The following FGF13 variants were observed in gnomAD, a reference collection of about 807,000 sequenced individuals.
FGF13 encodes the protein fibroblast growth factor 13.
A neutral mutation model predicts 19.5 loss-of-function variants in FGF13; 2 were observed. The observed-to-expected ratio is 0.10, with a 90% confidence interval of 0.04 to 0.32. The LOEUF is 0.32. FGF13 is among the 10% of genes least tolerant of loss of function. The pLI is 1.00. For missense variants in FGF13, 113 were observed against 192.7 expected (o/e 0.59, Z 2.45); for synonymous variants, 72 against 76.9 (o/e 0.94, Z 0.33).
rs147149543 is a variant in FGF13, at chrX:139,154,063, C to G, written c.-113+49353G>C. Among the ~76,000 whole-genome samples, 509 of 111,597 alleles carry G rather than the reference C, an allele frequency of 4.6e-3. 2 individuals carry two copies. The highest frequency in any genetic ancestry group is 0.015 in the African/African-American group (446 of 30,707). The stretch of plus-strand genomic sequence containing the variant: ...TTTGTAGTCATCTGTTACAACAATT[C>G]TAGGAAATAAACACAGATACCATCT... On this transcript the variant is annotated intron_variant, in intron 1 of 2. Coordinates refer to the FGF13 transcript ENST00000421460.
intron 3 of FGF13, among the ~76,000 whole-genome samples, chrX:138,683,616 C>T (rs751426948): frequency 2.7e-5 from 3 of 111,524 alleles, no homozygotes; most frequent in East Asian, 2.8e-4. Context: ...TAGATGCACA[C>T]GTCTAAGCCC....
chrX:138,990,540 T>C (rs2092011283), intron 1 of FGF13: 2 of 109,519 alleles, frequency 1.8e-5, no homozygotes, highest in Admixed American at 9.9e-5. Flanking sequence ...CTCACAATCA[T>C]GGAGGAAGGC....
intron 1 of FGF13, among the ~76,000 whole-genome samples, chrX:138,950,097 C>T (rs2091802853): frequency 8.9e-6 from 1 of 111,765 alleles, no homozygotes; most frequent in Admixed American, 9.5e-5. Flanking sequence ...TAGAATCATT[C>T]AAATATGTGT....
intron 3 of FGF13, among the ~76,000 whole-genome samples, chrX:138,635,998 G>A (rs1167505386): frequency 8.9e-6 from 1 of 112,046 alleles, no homozygotes; most frequent in Non-Finnish European, 1.9e-5. Flanking sequence ...CTGACACATG[G>A]AGCTTTGTTC....
intron 3 of FGF13, among the ~76,000 whole-genome samples, chrX:138,830,687 T>TGTGTGTGTGTGTGTG (rs1556225883): frequency 6.9e-5 from 6 of 87,518 alleles, no homozygotes; most frequent in Admixed American, 1.4e-4. Flanking sequence ...AAAGGGGTGT[T>TGTGTGTGTGTGTGTG]TGTGTGTGTG....
At chrX:138,706,094 T>C (rs2089989685) in intron 2 of FGF13, among the ~76,000 whole-genome samples, 1 of 112,297 alleles carries the variant, frequency 8.9e-6, no homozygotes, top group Non-Finnish European at 1.9e-5. Context: ...TCTTCATCAG[T>C]TGGCCAAGGT....
At chrX:138,728,636 G>A (rs2090203633) in intron 1 of FGF13, among the ~76,000 whole-genome samples, 2 of 110,611 alleles carry the variant, frequency 1.8e-5, no homozygotes. Flanking sequence ...TGGGAGAGGG[G>A]AAGGAGGGCT....
chrX:138,684,189 G>A lies in FGF13; in HGVS notation c.402+18795C>T, dbSNP rs375753309. On this transcript the variant is annotated intron_variant, in intron 3 of 4. Transcript: ENST00000315930. ...TGCAAAATAGACTTAAGAGGTCAAA[G>A]AAATATATTATACACTATCATTTGA... Among the ~76,000 whole-genome samples, 4 of 111,699 alleles carry A rather than the reference G, an allele frequency of 3.6e-5. No homozygotes were observed. In the South Asian group the frequency reaches 1.5e-3, roughly 41 times the overall value.
chrX:138,702,235 T>G (rs773006145), intron 3 of FGF13, among the ~76,000 whole-genome samples: 36 of 111,609 alleles, frequency 3.2e-4, no homozygotes, highest in African/African-American at 8.1e-4. Context: ...AATTCATATA[T>G]CAAATAGTCT....
At chrX:139,048,162 A>G (rs1018693004) in intron 1 of FGF13, among the ~76,000 whole-genome samples, 3 of 110,937 alleles carry the variant, frequency 2.7e-5, no homozygotes, top group Admixed American at 9.6e-5. Flanking sequence ...TCTAGAATTT[A>G]CCTTTGTACA....
intron 1 of FGF13, among the ~76,000 whole-genome samples, chrX:139,054,117 C>CTTTTT (rs58544411): frequency 6.5e-4 from 22 of 33,960 alleles, no homozygotes; most frequent in African/African-American, 1.1e-3. Flanking sequence ...GTCTACGTGC[C>CTTTTT]TTTTTTTTTT....
Position 138,616,676 on chromosome X carries a change from C to T in FGF13, c.*16174G>A, listed in dbSNP as rs1241668147. Reference sequence around the variant, plus strand: ...TCCAACCCCACATTTCCCTTCTGCACTGCCCTAGCAGAGGTTCTCCCTGAG... The same window carrying T: ...TCCAACCCCACATTTCCCTTCTGCATTGCCCTAGCAGAGGTTCTCCCTGAG... On this transcript the variant is annotated 3_prime_UTR_variant, in exon 5 of 5. Transcript: ENST00000315930. 1 of 112,616 alleles carries T rather than the reference C, an allele frequency of 8.9e-6. No homozygotes were observed. Among genetic ancestry groups the T allele is most frequent in the Non-Finnish European group, 1.9e-5 (1 of 53,307 alleles). 9.3% of individuals were successfully genotyped at this position (112,616 alleles called of 1,213,427 possible). A position where few individuals can be genotyped will look rare whatever the true frequency, so the allele number is the denominator to read the frequency against.
intron 1 of FGF13, among the ~76,000 whole-genome samples, chrX:138,980,488 G>A (rs2124330803): frequency 8.9e-6 from 1 of 111,942 alleles, no homozygotes; most frequent in South Asian, 3.7e-4. Flanking sequence ...TGATTAGGGA[G>A]AGAATGTTTT....
chrX:139,065,445 A>T (rs1338756434), intron 1 of FGF13, among the ~76,000 whole-genome samples: 1 of 105,948 alleles, frequency 9.4e-6, no homozygotes, highest in Non-Finnish European at 1.9e-5. Flanking sequence ...GCTCAAAATA[A>T]AGGGATGGAG....
chrX:139,116,774 G>A (rs2083642692), intron 1 of FGF13, among the ~76,000 whole-genome samples: 1 of 110,653 alleles, frequency 9.0e-6, no homozygotes, highest in Admixed American at 9.7e-5. Flanking sequence ...GGGAAGGAAA[G>A]GCCAAATTGA....
rs180882549 is a variant in FGF13, at chrX:138,655,457, A to G, written c.403-19802T>C. Among the ~76,000 whole-genome samples, 12 of 112,142 alleles carry G rather than the reference A, an allele frequency of 1.1e-4. No homozygotes were observed. In the East Asian group the frequency reaches 3.4e-3, roughly 32 times the overall value. The stretch of plus-strand genomic sequence containing the variant: ...TAGAAGGAGTAAATATAAAAAGGTC[A>G]AAAATACATTTATTCAGAATCTTGC... On this transcript the variant is annotated intron_variant, in intron 3 of 4. Coordinates refer to ENST00000315930, the MANE Select transcript of FGF13 (RefSeq NM_004114.5).
At chrX:138,638,144 G>C (rs1244478066) in intron 3 of FGF13, among the ~76,000 whole-genome samples, 1 of 111,652 alleles carries the variant, frequency 9.0e-6, no homozygotes, top group Non-Finnish European at 1.9e-5. Flanking sequence ...TCAGCTGGCA[G>C]GTTTGCTTTC....
At chrX:138,918,600 C>T (rs146103580) in intron 1 of FGF13, among the ~76,000 whole-genome samples, 305 of 111,847 alleles carry the variant, frequency 2.7e-3, no homozygotes, top group African/African-American at 9.4e-3. Context: ...TCAGACACTG[C>T]ACTGAGGGAT....
chrX:138,857,998 T>C (rs954019694), intron 2 of FGF13, among the ~76,000 whole-genome samples: 19 of 112,156 alleles, frequency 1.7e-4, no homozygotes, highest in African/African-American at 5.8e-4. Flanking sequence ...GTAGAACTTA[T>C]AGGTTTCAGA....
Sources: allele counts gnomAD v4.1 joint callset (sites outside exome capture counted in the v4.1 genomes callset), GRCh38; gene constraint gnomAD v4.1.1; transcripts MANE v1.5; gene names NCBI Gene and HGNC (gene_info 2026-07-23, HGNC 2026-07-21).